Variants in MT1A observed in about 807,000 individuals in gnomAD.
The protein encoded by MT1A is metallothionein 1A.
In MT1A, 6 loss-of-function variants were observed where a neutral mutation model predicts 5.5. The observed-to-expected ratio is 1.09, with a 90% confidence interval of 0.60 to 2.16. The LOEUF is 2.16. Ranked by LOEUF, MT1A falls within the 30% of genes most tolerant of loss-of-function variation. The pLI, the probability that MT1A is intolerant of heterozygous loss-of-function variation, is 0.00. For missense variants in MT1A, 69 were observed against 73.4 expected, an observed-to-expected ratio of 0.94 and a Z score of 0.22; for synonymous variants, 23 against 24.8, an observed-to-expected ratio of 0.93 and a Z score of 0.21.
At chr16:56,639,805 A>C in intron 2 of MT1A, 54 bp from the exon 3 acceptor site, 1 of 1,610,360 alleles carries the variant, frequency 6.2e-7, no homozygotes, top group Non-Finnish European at 8.5e-7. Context: ...CTCTGGGGGC[A>C]GGGAAGTCCC....
intron 2 of MT1A, 58 bp from the exon 3 acceptor site, chr16:56,639,801 G>C: frequency 1.9e-6 from 3 of 1,608,346 alleles, no homozygotes; most frequent in Middle Eastern, 1.8e-4. Context: ...GCTTCTCTGG[G>C]GGCAGGGAAG....
rs746138820 is a variant in MT1A, at chr16:56,638,818, G to T, written c.28+52G>T. On this transcript the variant is annotated intron_variant, in intron 1 of 2. Coordinates refer to ENST00000290705, the MANE Select transcript of MT1A (RefSeq NM_005946.3). ...TAGGATACCTATTTCCCCGCCACAG[G>T]ATAGATGTCCCTAGGAGTAGAGGTG... The T allele has an allele frequency of 1.9e-6, 3 of 1,606,168 alleles. No homozygotes were observed. In the Middle Eastern group the frequency reaches 5.0e-4, roughly 265 times the overall value.
chr16:56,639,748 T>A lies in MT1A; in HGVS notation c.95-111T>A, dbSNP rs1273849426. On this transcript the variant is annotated intron_variant, in intron 2 of 2. Coordinates refer to ENST00000290705, the MANE Select transcript of MT1A (RefSeq NM_005946.3). ...CCATCTCCGACAGTGCATGCCATCC[T>A]GAACTAAGTGTCCTCTGGGGCTGGG... is the stretch of plus-strand genomic sequence containing the variant. The A allele has an allele frequency of 7.0e-6, 10 of 1,418,442 alleles. No homozygotes were observed. The Admixed American group carries it at 1.8e-4, about 26-fold the overall frequency. The allele number at this position is 1,418,442 out of a possible 1,614,324, so 87.9% of individuals were successfully genotyped here.
chr16:56,640,022 C>A lies in MT1A; in HGVS notation c.*72C>A, dbSNP rs1368369465. 6.4e-6 allele frequency: 10 copies of A among 1,559,972 alleles called. No homozygotes were observed. Among genetic ancestry groups the A allele is most frequent in the Non-Finnish European group, 8.7e-6 (10 of 1,146,282 alleles). ...AACTTGGAATTTTTTTTCCATACAA[C>A]CCTGACCCATTTACTGTATTTTTTT... On this transcript the variant is annotated 3_prime_UTR_variant, in exon 3 of 3. Coordinates refer to ENST00000290705, the MANE Select transcript of MT1A (RefSeq NM_005946.3).
At position 56,638,721 on chromosome 16, in the gene MT1A, A is replaced by G. The variant is rs774583025; in HGVS notation, c.-18A>G. The G allele has an allele frequency of 1.3e-5, 21 of 1,613,574 alleles. No homozygotes were observed. The South Asian group carries it at 2.2e-4, about 17-fold the overall frequency. ...CTCAACTTCTTGCTTGGGATCTCCA[A>G]CCTCACCGCGGCTCGAAATGGACCC... On this transcript the variant is annotated 5_prime_UTR_variant, in exon 1 of 3. Transcript: ENST00000290705.
chr16:56,638,803 A>G (rs905833915), intron 1 of MT1A, 37 bp downstream of exon 1: 1 of 1,609,050 alleles, frequency 6.2e-7, no homozygotes. Context: ...TAGGATACCT[A>G]TTTCCCCGCC....
chr16:56,639,184 T>C, intron 1 of MT1A, 80 bp from the exon 2 acceptor site: 23 of 1,506,918 alleles, frequency 1.5e-5, no homozygotes, highest in Non-Finnish European at 2.0e-5. Flanking sequence ...GGCCTGGCAA[T>C]GCACTCAGCT....
chr16:56,639,822 A>G (rs1162812058), intron 2 of MT1A, 37 bp from the exon 3 acceptor site: 1 of 1,613,410 alleles, frequency 6.2e-7, no homozygotes, highest in Non-Finnish European at 8.5e-7. Flanking sequence ...TCCCCGGTCA[A>G]GTCTGGTCTG....
intron 2 of MT1A, 132 bp downstream of exon 2, chr16:56,639,461 G>T: frequency 8.6e-7 from 1 of 1,168,256 alleles, no homozygotes; most frequent in Non-Finnish European, 1.2e-6. Context: ...TTCAGGATCA[G>T]AGCCAGATCT....
rs757462726 is a variant in MT1A, at chr16:56,638,810, C to T, written c.28+44C>T. 8.7e-6 allele frequency: 14 copies of T among 1,610,680 alleles called. No individual in the cohort carries two copies. The Admixed American group carries it at 2.0e-4, about 23-fold the overall frequency. On this transcript the variant is annotated intron_variant, in intron 1 of 2. Coordinates refer to ENST00000290705, the MANE Select transcript of MT1A (RefSeq NM_005946.3). ...CTGGTCCTTAGGATACCTATTTCCC[C>T]GCCACAGGATAGATGTCCCTAGGAG...
In MT1A at chr16:56,639,889, C is replaced by A. The variant is rs1343707136; in HGVS notation, c.125C>A (p.Ala42Asp). The change falls in exon 3 of 3, where the codon GCC (alanine) becomes GAC (aspartate). Residue 42 changes from alanine (A) to aspartate (D), a missense_variant. Ala to Asp is a moderately radical substitution (Grantham distance 126). Coordinates refer to ENST00000290705, the MANE Select transcript of MT1A (RefSeq NM_005946.3). ...SCCSCCPMSCAKCAQGCICKG... is the reference protein window; with the variant it reads ...SCCSCCPMSCDKCAQGCICKG... ...TGCTCCTGCTGCCCCATGAGCTGTGCCAAGTGTGCCCAGGGCTGCATCTGC... is the reference window on the plus strand; with the variant it reads ...TGCTCCTGCTGCCCCATGAGCTGTGACAAGTGTGCCCAGGGCTGCATCTGC... 3.1e-6 allele frequency: 5 copies of A among 1,614,058 alleles called. No individual in the cohort carries two copies. The highest frequency in any genetic ancestry group is 1.3e-5 in the African/African-American group (1 of 74,922).
In MT1A at chr16:56,638,829, C is replaced by G. The variant is rs73551660; in HGVS notation, c.28+63C>G. 1,622 of 1,595,088 alleles carry G rather than the reference C, an allele frequency of 1.0e-3. 17 individuals carry two copies. In the African/African-American group the frequency reaches 0.019, roughly 19 times the overall value. ...TTTCCCCGCCACAGGATAGATGTCC[C>G]TAGGAGTAGAGGTGTTTTTTGAGTT... On this transcript the variant is annotated intron_variant, in intron 1 of 2. Coordinates refer to ENST00000290705, the MANE Select transcript of MT1A (RefSeq NM_005946.3).
chr16:56,639,054 G>C (rs573750929), intron 1 of MT1A, among the ~76,000 whole-genome samples: 6 of 152,274 alleles, frequency 3.9e-5, no homozygotes, highest in East Asian at 1.9e-4. Context: ...TCCTGGGGTG[G>C]ATGGGAGACA....
chr16:56,640,079 C>T lies in MT1A; in HGVS notation c.*129C>T. 1.6e-6 allele frequency: 2 copies of T among 1,270,514 alleles called. No individual in the cohort carries two copies. Among genetic ancestry groups the T allele is most frequent in the East Asian group, 2.6e-5 (1 of 38,066 alleles). 78.7% of individuals were successfully genotyped at this position (1,270,514 alleles called of 1,614,324 possible). On this transcript the variant is annotated 3_prime_UTR_variant, in exon 3 of 3. Transcript: ENST00000290705. ...AATATGTGAATGATAATAAAAGTTG[C>T]TGACTTAATGCTGGCTCTGGTTTTC... is the stretch of plus-strand genomic sequence containing the variant.
At position 56,638,885 on chromosome 16, in the gene MT1A, T is replaced by G. The variant is rs148633419; in HGVS notation, c.28+119T>G. 2.5e-3 allele frequency: 3,101 copies of G among 1,248,368 alleles called. 55 individuals carry two copies. The African/African-American group carries it at 0.04, about 16-fold the overall frequency. 77.3% of individuals were successfully genotyped at this position (1,248,368 alleles called of 1,614,324 possible). On this transcript the variant is annotated intron_variant, in intron 1 of 2. Transcript: ENST00000290705. ...TAAGTGGAGTCATTTATTTCATTGA[T>G]CTAGTGCTTTTCCACTCAGCGCCTT...
In MT1A at chr16:56,639,276, C is replaced by A. The variant is rs751573087; in HGVS notation, c.41C>A (p.Thr14Asn). 3.0e-5 allele frequency: 49 copies of A among 1,612,082 alleles called. No individual in the cohort carries two copies. The highest frequency in any genetic ancestry group is 4.0e-5 in the Non-Finnish European group (47 of 1,178,610). Reference protein sequence around the residue: ...NCSCATGGSCTCTGSCKCKEC... With the variant: ...NCSCATGGSCNCTGSCKCKEC... ...CTCTTCCTTGCAGGTGGCTCCTGCA[C>A]CTGCACTGGCTCCTGCAAATGCAAA... Residue 14 changes from threonine (T) to asparagine (N), a missense_variant, in exon 2 of 3, where the codon ACC becomes AAC. Coordinates refer to ENST00000290705, the MANE Select transcript of MT1A (RefSeq NM_005946.3).
chr16:56,638,795 G>A (rs377620736), intron 1 of MT1A, 29 bp downstream of exon 1: 18 of 1,613,596 alleles, frequency 1.1e-5, no homozygotes, highest in Non-Finnish European at 1.4e-5. Flanking sequence ...CTGGTCCTTA[G>A]GATACCTATT....
At position 56,639,215 on chromosome 16, in the gene MT1A, T is replaced by G. The variant is rs780175240; in HGVS notation, c.29-49T>G. The G allele has an allele frequency of 5.6e-6, 9 of 1,601,246 alleles. No homozygotes were observed. In the Admixed American group the frequency reaches 1.5e-4, roughly 27 times the overall value. On this transcript the variant is annotated intron_variant, in intron 1 of 2. Coordinates refer to ENST00000290705, the MANE Select transcript of MT1A (RefSeq NM_005946.3). ...CAGCTGGCAGCATTTGTTGACCAAC[T>G]GCTGTTATCTTCTGTATAAAATTCA...
In MT1A at chr16:56,638,672, C is replaced by G. The variant is rs192677443; in HGVS notation, c.-67C>G. The G allele has an allele frequency of 2.5e-6, 4 of 1,577,512 alleles. No homozygotes were observed. Among genetic ancestry groups the G allele is most frequent in the Non-Finnish European group, 2.6e-6 (3 of 1,147,178 alleles). On this transcript the variant is annotated 5_prime_UTR_variant, in exon 1 of 3. Coordinates refer to ENST00000290705, the MANE Select transcript of MT1A (RefSeq NM_005946.3). Reference sequence around the variant, plus strand: ...CCGCTGGCTGCTGGGCCCTACCAAGCCTTCCACGTGCGCCTTATAGCCTCT... The same window carrying G: ...CCGCTGGCTGCTGGGCCCTACCAAGGCTTCCACGTGCGCCTTATAGCCTCT...
Sources: gnomAD v4.1 joint callset for allele counts (sites outside exome capture counted in the v4.1 genomes callset) on GRCh38, gnomAD v4.1.1 for gene constraint, MANE v1.5 for transcripts, NCBI Gene and HGNC (gene_info 2026-07-23, HGNC 2026-07-21) for gene names.